ZDHHC8: variants seen among roughly 807,000 people sequenced by gnomAD.
ZDHHC8 encodes the protein palmitoyltransferase ZDHHC8.
A neutral mutation model predicts 61.2 loss-of-function variants in ZDHHC8; 24 were observed. The observed-to-expected ratio is 0.39, with a 90% CI of 0.28 to 0.55. The LOEUF (loss-of-function observed/expected upper bound fraction) is 0.55, where lower values mean the gene tolerates loss of function less well. ZDHHC8 is among the 20% of genes least tolerant of loss of function. ZDHHC8 has a pLI of 0.60. For synonymous variants in ZDHHC8, 523 were observed against 492.5 expected, an observed-to-expected ratio of 1.06 and a Z score of -0.82; for missense variants, 935 against 1,102.1, an observed-to-expected ratio of 0.85 and a Z score of 2.15.
chr22:20,138,880 C>T (rs1017082358), intron 1 of ZDHHC8, among the ~76,000 whole-genome samples: 8 of 152,188 alleles, frequency 5.3e-5, no homozygotes, highest in East Asian at 1.9e-4. Context: ...CCCCCTACCC[C>T]GCCCCAGTCA....
chr22:20,135,868 G>A (rs1047770834), intron 1 of ZDHHC8, among the ~76,000 whole-genome samples: 5 of 152,264 alleles, frequency 3.3e-5, no homozygotes, highest in Non-Finnish European at 7.3e-5. Context: ...ACGGGCGAGT[G>A]CCACTCATAC....
Position 20,143,212 on chromosome 22 carries a change from G to A in ZDHHC8, c.1582G>A (p.Val528Met), listed in dbSNP as rs758962247. The A allele has an allele frequency of 8.1e-6, 13 of 1,608,350 alleles. No individual in the cohort carries two copies. Among genetic ancestry groups the A allele is most frequent in the Admixed American group, 5.0e-5 (3 of 59,954 alleles). Residue 528 changes from valine to methionine, a missense_variant, in exon 10 of 11, where the codon GTG (valine) becomes ATG (methionine). By Grantham distance (21) the Val-to-Met change is conservative (BLOSUM62 1). Around this residue, in one of 3 missense-constraint regions of ZDHHC8, gnomAD observed 692 missense variants for 731.4 expected, o/e 0.95. Coordinates refer to ENST00000334554, the MANE Select transcript of ZDHHC8 (RefSeq NM_013373.4). ...PRPLPRSFSP[V>M]LGPRPREPSP... ...GCCCCTACCCCGCAGCTTCAGCCCC[G>A]TGCTGGGCCCCCGCCCCCGGGAGCC...
Position 20,142,978 on chromosome 22 carries a change from C to A in ZDHHC8, c.1348C>A (p.Pro450Thr). 1 of 1,604,598 alleles carries A rather than the reference C, an allele frequency of 6.2e-7. No homozygotes were observed. The change falls in exon 10 of 11, where the codon CCC (proline) becomes ACC (threonine). Residue 450 changes from proline to threonine, a missense_variant. Physicochemically the swap from Pro to Thr is conservative, Grantham distance 38. This residue lies in a region of ZDHHC8 where 692 missense variants were observed against 731.4 expected (regional missense o/e 0.95). Coordinates refer to ENST00000334554, the MANE Select transcript of ZDHHC8 (RefSeq NM_013373.4). ...GGGCGGGGATCATGTGGCCCTGCAG[C>A]CCCTGCGCTCTGAGGGGGGGCCCCC... ...RRGGDHVALQ[P>T]LRSEGGPPTP...
At chr22:20,139,098 G>C in intron 1 of ZDHHC8, 96 bp from the exon 2 acceptor site, 1 of 1,508,738 alleles carries the variant, frequency 6.6e-7, no homozygotes, top group Non-Finnish European at 8.8e-7. Flanking sequence ...CTCTGAGGGT[G>C]ACCTTGCAGG....
chr22:20,139,084 T>A, intron 1 of ZDHHC8, 110 bp from the exon 2 acceptor site: 1 of 1,479,220 alleles, frequency 6.8e-7, no homozygotes, highest in Non-Finnish European at 9.0e-7. Context: ...CCACTGCCTC[T>A]GAGCTCTGAG....
In ZDHHC8 at chr22:20,147,059, G is replaced by A. The variant is rs769371581; in HGVS notation, c.*1659G>A. On this transcript the variant is annotated 3_prime_UTR_variant, in exon 11 of 11. Transcript: ENST00000334554. ...ACCTGCACCCGTGGATGGGGGCGGC[G>A]TGGCCAGCCTTGGGTGCCTCCTGGG... 33 of 1,474,246 alleles carry A rather than the reference G, an allele frequency of 2.2e-5. No individual in the cohort carries two copies. Among genetic ancestry groups the A allele is most frequent in the Non-Finnish European group, 2.7e-5 (30 of 1,112,940 alleles). 91.3% of individuals were successfully genotyped at this position (1,474,246 alleles called of 1,614,324 possible). A position where few individuals can be genotyped will look rare whatever the true frequency, so the allele number is the denominator to read the frequency against.
intron 1 of ZDHHC8, among the ~76,000 whole-genome samples, chr22:20,137,985 G>T (rs2050435767): frequency 6.6e-6 from 1 of 152,274 alleles, no homozygotes; most frequent in Non-Finnish European, 1.5e-5. Flanking sequence ...CCCCGCCGAG[G>T]ATGGCTGTCG....
At chr22:20,135,932 T>A (rs565811291) in intron 1 of ZDHHC8, among the ~76,000 whole-genome samples, 1 of 152,370 alleles carries the variant, frequency 6.6e-6, no homozygotes, top group South Asian at 2.1e-4. Context: ...GAGTTAAAAT[T>A]TTCCATTCCA....
In ZDHHC8 at chr22:20,147,600, A is replaced by G; in HGVS notation, c.*2200A>G. 4.8e-6 allele frequency: 1 copy of G among 208,594 alleles called. No homozygotes were observed. The highest frequency in any genetic ancestry group is 1.5e-4 in the South Asian group (1 of 6,684). 12.9% of individuals were successfully genotyped at this position (208,594 alleles called of 1,614,324 possible). Reference sequence around the variant, plus strand: ...GGGGGGGGGTCTCAGGTTGCCCCTGAAGGTCTCTGCACTCCTCCTGCCCTT... The same window carrying G: ...GGGGGGGGGTCTCAGGTTGCCCCTGGAGGTCTCTGCACTCCTCCTGCCCTT... On this transcript the variant is annotated 3_prime_UTR_variant, in exon 11 of 11. Coordinates refer to ENST00000334554, the MANE Select transcript of ZDHHC8 (RefSeq NM_013373.4).
Position 20,131,828 on chromosome 22 carries a change from C to T in ZDHHC8, c.-120C>T. The stretch of plus-strand genomic sequence containing the variant: ...CGTGGGGTGGGATTTCCTCCGCCGC[C>T]GCCGCCGCCGCCGCCGCGGGTCCTG... On this transcript the variant is annotated 5_prime_UTR_variant, in exon 1 of 11. Coordinates refer to ENST00000334554, the MANE Select transcript of ZDHHC8 (RefSeq NM_013373.4). The T allele has an allele frequency of 3.3e-6, 1 of 306,054 alleles. No individual in the cohort carries two copies. The highest frequency in any genetic ancestry group is 4.7e-6 in the Non-Finnish European group (1 of 210,842). The allele number at this position is 306,054 out of a possible 1,614,324, so 19.0% of individuals were successfully genotyped here.
Position 20,147,029 on chromosome 22 carries a change from T to C in ZDHHC8, c.*1629T>C. On this transcript the variant is annotated 3_prime_UTR_variant, in exon 11 of 11. Transcript: ENST00000334554. ...GACGCCGCGGCCCGCAGGGGGCGGA[T>C]TGGCACCTGCACCCGTGGATGGGGG... 7.0e-7 allele frequency: 1 copy of C among 1,426,352 alleles called. No homozygotes were observed. Among genetic ancestry groups the C allele is most frequent in the Non-Finnish European group, 9.2e-7 (1 of 1,092,474 alleles). 88.4% of individuals were successfully genotyped at this position (1,426,352 alleles called of 1,614,324 possible).
At chr22:20,140,372 C>A in intron 5 of ZDHHC8, 155 bp downstream of exon 5, 1 of 822,196 alleles carries the variant, frequency 1.2e-6, no homozygotes, top group Non-Finnish European at 1.9e-6. Flanking sequence ...TGGGGCTACG[C>A]CTGCCCCGTC....
At chr22:20,139,444 A>G (rs781112216) in intron 2 of ZDHHC8, 34 bp from the exon 3 acceptor site, 1 of 1,609,330 alleles carries the variant, frequency 6.2e-7, no homozygotes, top group Admixed American at 1.7e-5. Context: ...AGGAAAGTCA[A>G]CTTCCTGCTC....
rs1362462498 is a variant in ZDHHC8 at position 20,147,989 on chromosome 22, A to C, written c.*2589A>C. The C allele has an allele frequency of 6.6e-6, 1 of 152,374 alleles. No homozygotes were observed. The highest frequency in any genetic ancestry group is 1.9e-4 in the East Asian group (1 of 5,186). 9.4% of individuals were successfully genotyped at this position (152,374 alleles called of 1,614,324 possible). A position where few individuals can be genotyped will look rare whatever the true frequency, so the allele number is the denominator to read the frequency against. On this transcript the variant is annotated 3_prime_UTR_variant, in exon 11 of 11. Coordinates refer to ENST00000334554, the MANE Select transcript of ZDHHC8 (RefSeq NM_013373.4). ...CCCCTGCTAATTAATTCCCCAAATA[A>C]AATTTTTGGTGTTGATCAGCTCTGT...
chr22:20,141,227 G>T lies in ZDHHC8; in HGVS notation c.905G>T (p.Ser302Ile), dbSNP rs771305725. Residue 302 changes from serine to isoleucine, a missense_variant, in exon 8 of 11, where the codon AGC becomes ATC. Physicochemically the swap from Ser to Ile is moderately radical, Grantham distance 142. Around this residue, in one of 3 missense-constraint regions of ZDHHC8, gnomAD observed 692 missense variants for 731.4 expected, o/e 0.95. Transcript: ENST00000334554. The stretch of plus-strand genomic sequence containing the variant: ...CCCGCTCCCTCCCAGTCCAAGGGCA[G>T]CCTGGACCGGCTGGATGAGAAGCCA... ...AGLGRSKSKG[S>I]LDRLDEKPLD... is the part of the protein sequence containing the mutation. 2 of 1,611,892 alleles carry T rather than the reference G, an allele frequency of 1.2e-6. No homozygotes were observed.
chr22:20,143,433 G>C lies in ZDHHC8; in HGVS notation c.1803G>C (p.Ala601=). 1 of 1,599,744 alleles carries C rather than the reference G, an allele frequency of 6.3e-7. No individual in the cohort carries two copies. The highest frequency in any genetic ancestry group is 8.5e-7 in the Non-Finnish European group (1 of 1,178,742). The stretch of plus-strand genomic sequence containing the variant: ...TGTCCGAGGGCCCCCGAGGTCCCGC[G>C]CTGCGCTATGGCTCCAGAGACGACC... The part of the protein sequence containing the change: ...SVLSEGPRGP[A]LRYGSRDDLV... The change falls in exon 10 of 11, where the codon GCG becomes GCC. Residue 601 remains alanine, a synonymous_variant. Transcript: ENST00000334554.
chr22:20,141,681 G>GGATGTGGC, intron 9 of ZDHHC8, 151 bp downstream of exon 9: 1 of 711,114 alleles, frequency 1.4e-6, no homozygotes, highest in Non-Finnish European at 2.3e-6. Flanking sequence ...GCCCCTCAGG[G>GGATGTGGC]CTCTGCCTGG....
chr22:20,141,115 G>A (rs749605737), intron 7 of ZDHHC8, 102 bp from the exon 8 acceptor site: 36 of 1,588,646 alleles, frequency 2.3e-5, no homozygotes, highest in Admixed American at 1.0e-4. Context: ...AGACAGAGCC[G>A]TAGACAGATT....
chr22:20,136,651 C>T (rs564850781), intron 1 of ZDHHC8, among the ~76,000 whole-genome samples: 7 of 152,114 alleles, frequency 4.6e-5, no homozygotes, highest in South Asian at 2.1e-4. Context: ...GATGTGCAGG[C>T]GTGTCTGCGT....
Sources: gnomAD v4.1 joint callset for allele counts (sites outside exome capture counted in the v4.1 genomes callset) on GRCh38, gnomAD v4.1.1 for gene constraint, gnomAD v4.1.1 regional missense constraint, MANE v1.5 for transcripts, NCBI Gene and HGNC (gene_info 2026-07-23, HGNC 2026-07-21) for gene names.